SLC36A1: variants seen among roughly 807,000 people sequenced by gnomAD.
SLC36A1 encodes proton-coupled amino acid transporter 1.
A neutral mutation model predicts 47.5 loss-of-function variants in SLC36A1; 30 were observed. The observed-to-expected ratio is 0.63, with a 90% CI of 0.47 to 0.86. The LOEUF (loss-of-function observed/expected upper bound fraction) is 0.86. Ranked by LOEUF, SLC36A1 falls within the 40% of genes least tolerant of loss-of-function variation. The probability of loss-of-function intolerance (pLI) is 0.00; values close to 1 mark genes in which losing one functional copy is unlikely to be tolerated. For synonymous variants in SLC36A1, 255 were observed against 249.7 expected, an observed-to-expected ratio of 1.02 and a Z score of -0.20; for missense variants, 517 against 606.0, an observed-to-expected ratio of 0.85 and a Z score of 1.54.
intron 4 of SLC36A1, 94 bp downstream of exon 4, chr5:151,464,696 A>T: frequency 1.0e-6 from 1 of 1,001,564 alleles, no homozygotes. Context: ...GACCACTCTC[A>T]ATTCTTTACA....
the SLC36A1 span, among the ~76,000 whole-genome samples, chr5:151,405,431 C>G: frequency 6.8e-6 from 1 of 147,536 alleles, no homozygotes; most frequent in East Asian, 2.0e-4. Context: ...CTCACTGTAG[C>G]CTCAACCTCC....
the SLC36A1 span, chr5:151,543,385 T>C: frequency 1.2e-6 from 2 of 1,613,964 alleles, no homozygotes; most frequent in South Asian, 1.1e-5. Flanking sequence ...CTGTGGGGGG[T>C]TGTCATTTTC....
At chr5:151,517,414 T>C in the SLC36A1 span, among the ~76,000 whole-genome samples, 1 of 152,192 alleles carries the variant, frequency 6.6e-6, no homozygotes, top group Non-Finnish European at 1.5e-5. Flanking sequence ...CTTGTGACCG[T>C]CCTTGGACGT....
the SLC36A1 span, among the ~76,000 whole-genome samples, chr5:151,370,218 A>AG: frequency 7.9e-5 from 12 of 152,386 alleles, no homozygotes; most frequent in East Asian, 2.3e-3. Context: ...ATTATATCTG[A>AG]GGCAGACAGC....
chr5:151,497,846 G>C, the SLC36A1 span, among the ~76,000 whole-genome samples: 11 of 152,142 alleles, frequency 7.2e-5, no homozygotes, highest in Non-Finnish European at 1.3e-4. Context: ...CTTGGCTGGA[G>C]TGGGGGATGG....
chr5:151,439,215 C>T (rs1752478576), intron 1 of SLC36A1, among the ~76,000 whole-genome samples: 1 of 152,166 alleles, frequency 6.6e-6, no homozygotes, highest in South Asian at 2.1e-4. Flanking sequence ...GGGGAAACCA[C>T]TAATGATCCA....
chr5:151,516,741 G>A, the SLC36A1 span, among the ~76,000 whole-genome samples: 1 of 152,134 alleles, frequency 6.6e-6, no homozygotes, highest in African/African-American at 2.4e-5. Context: ...CTGTCACATA[G>A]TAGATGCTCA....
the SLC36A1 span, among the ~76,000 whole-genome samples, chr5:151,370,409 CT>C: frequency 0.15 from 22,111 of 146,984 alleles, 1,942 homozygotes; most frequent in East Asian, 0.38. Flanking sequence ...CTGTTTCTTC[CT>C]TTTTTTTTTT....
At chr5:151,522,187 C>T in the SLC36A1 span, 110 of 941,466 alleles carry the variant, frequency 1.2e-4, no homozygotes, top group East Asian at 1.4e-3. Flanking sequence ...CTCTGCCCCA[C>T]GCCCAACTTG....
At chr5:151,367,361 A>ATTTTTTTTTTTTTTTTT in the SLC36A1 span, among the ~76,000 whole-genome samples, 4,327 of 117,784 alleles carry the variant, frequency 0.037, 153 homozygotes, top group Non-Finnish European at 0.053. Context: ...CCAGGAATGC[A>ATTTTTTTTTTTTTTTTT]TTTTTTTTTT....
the SLC36A1 span, among the ~76,000 whole-genome samples, chr5:151,349,541 G>T: frequency 1.3e-5 from 2 of 152,092 alleles, no homozygotes; most frequent in Non-Finnish European, 2.9e-5. Flanking sequence ...TTGCAAGATG[G>T]ATACTAGATT....
the SLC36A1 span, among the ~76,000 whole-genome samples, chr5:151,500,621 G>T: frequency 6.6e-6 from 1 of 152,214 alleles, no homozygotes; most frequent in Non-Finnish European, 1.5e-5. Context: ...AACCACCTCG[G>T]CCTCCCAAAG....
At chr5:151,433,266 A>ATTTTTTTTTTTTTTT (rs869250950), upstream of SLC36A1, among the ~76,000 whole-genome samples, 1 of 9,404 alleles carries the variant, frequency 1.1e-4, no homozygotes, top group Non-Finnish European at 2.0e-4. Context: ...ATATATATAT[A>ATTTTTTTTTTTTTTT]TTTTTTTTTT....
intron 9 of SLC36A1, 118 bp downstream of exon 9, chr5:151,476,874 C>A: frequency 7.9e-7 from 1 of 1,258,584 alleles, no homozygotes; most frequent in Non-Finnish European, 1.1e-6. Context: ...CTCTAGCCCA[C>A]CATCCCCTGC....
the SLC36A1 span, chr5:151,550,466 C>G: frequency 8.8e-7 from 1 of 1,142,214 alleles, no homozygotes; most frequent in Non-Finnish European, 1.2e-6. Context: ...TGTGAAATGT[C>G]ACAACTCTGT....
At chr5:151,517,706 T>A in the SLC36A1 span, 1 of 1,614,164 alleles carries the variant, frequency 6.2e-7, no homozygotes, top group Admixed American at 1.7e-5. Context: ...ATGTGCCAGT[T>A]CCGAGCCGCT....
At chr5:151,389,870 C>T in the SLC36A1 span, among the ~76,000 whole-genome samples, 6 of 151,792 alleles carry the variant, frequency 4.0e-5, no homozygotes, top group African/African-American at 9.7e-5. Flanking sequence ...AATAAACATA[C>T]ATGTGCATGT....
At chr5:151,484,252 C>T (rs1759215824) in intron 10 of SLC36A1, among the ~76,000 whole-genome samples, 1 of 152,186 alleles carries the variant, frequency 6.6e-6, no homozygotes, top group Admixed American at 6.5e-5. Context: ...TGTCTCCTGC[C>T]AGGGACTCAT....
At chr5:151,534,687 T>C in the SLC36A1 span, 1 of 1,547,538 alleles carries the variant, frequency 6.5e-7, no homozygotes. Flanking sequence ...TGGGGAAATA[T>C]TACCCAAGCA....
Sources: gnomAD v4.1 joint callset for allele counts (sites outside exome capture counted in the v4.1 genomes callset) on GRCh38, gnomAD v4.1.1 for gene constraint, MANE v1.5 for transcripts, NCBI Gene and HGNC (gene_info 2026-07-23, HGNC 2026-07-21) for gene names.